Variants in DNAH3 observed in about 807,000 individuals in gnomAD.
The protein encoded by DNAH3 is dynein axonemal heavy chain 3, also known as axonemal beta dynein heavy chain 3.
Under a neutral mutation model 432.5 loss-of-function variants are expected in DNAH3, and 332 were observed. That is an observed-to-expected ratio of 0.77 (90% confidence interval 0.70 to 0.84). The LOEUF (loss-of-function observed/expected upper bound fraction) is 0.84. Ranked by LOEUF, DNAH3 falls within the 40% of genes least tolerant of loss-of-function variation. The pLI, the probability that DNAH3 is intolerant of heterozygous loss-of-function variation, is 0.00. For synonymous variants in DNAH3, 1,956 were observed against 1,900.2 expected (o/e 1.03, Z -0.76); for missense variants, 4,861 against 5,114.0 (o/e 0.95, Z 1.51).
chr16:21,036,900 G>T, intron 34 of DNAH3, 52 bp from the exon 35 acceptor site: 1 of 1,451,116 alleles, frequency 6.9e-7, no homozygotes, highest in South Asian at 1.2e-5. Flanking sequence ...TCAGATATAT[G>T]ACCTCAACAT....
At chr16:21,108,764 G>A (rs535857132) in intron 14 of DNAH3, among the ~76,000 whole-genome samples, 49 of 151,700 alleles carry the variant, frequency 3.2e-4, no homozygotes, top group Non-Finnish European at 6.0e-4. Context: ...AAGTGTCCGA[G>A]TAGTGTGAAG....
chr16:20,935,956 C>T (rs1180796557), intron 60 of DNAH3, among the ~76,000 whole-genome samples: 1 of 152,100 alleles, frequency 6.6e-6, no homozygotes, highest in Non-Finnish European at 1.5e-5. Flanking sequence ...AGCTGCCACT[C>T]ATCTCCAGCA....
intron 54 of DNAH3, among the ~76,000 whole-genome samples, chr16:20,956,035 C>A (rs1418522024): frequency 6.6e-6 from 1 of 152,036 alleles, no homozygotes; most frequent in African/African-American, 2.4e-5. Flanking sequence ...TCAAGTGATT[C>A]TCCTGCCTCA....
At chr16:21,020,367 TA>T (rs1366301910) in intron 40 of DNAH3, among the ~76,000 whole-genome samples, 1 of 81,534 alleles carries the variant, frequency 1.2e-5, no homozygotes, top group African/African-American at 5.5e-5. Flanking sequence ...TATATATATA[TA>T]AAATCACTAT....
At chr16:21,062,401 T>A (rs771317686) in intron 25 of DNAH3, 81 bp downstream of exon 25, 1 of 1,163,572 alleles carries the variant, frequency 8.6e-7, no homozygotes, top group Non-Finnish European at 1.3e-6. Context: ...AGTCTGGTGC[T>A]TAGTCCCAGT....
intron 57 of DNAH3, among the ~76,000 whole-genome samples, chr16:20,947,158 G>A (rs1027406973): frequency 6.6e-6 from 1 of 151,972 alleles, no homozygotes; most frequent in African/African-American, 2.4e-5. Flanking sequence ...CCTAGAGAGA[G>A]AGGGTGCTGC....
At chr16:21,067,207 C>G in intron 24 of DNAH3, 76 bp downstream of exon 24, 1 of 1,555,752 alleles carries the variant, frequency 6.4e-7, no homozygotes, top group Non-Finnish European at 8.8e-7. Context: ...GAAGCCAACT[C>G]TTGGCATGAA....
chr16:21,084,327 T>TTTAG (rs1344385224), intron 19 of DNAH3, among the ~76,000 whole-genome samples: 1 of 152,084 alleles, frequency 6.6e-6, no homozygotes, highest in Non-Finnish European at 1.5e-5. Context: ...TATTTATTTA[T>TTTAG]TTATTTATTT....
Position 21,069,525 on chromosome 16 carries a change from GC to G in DNAH3, c.3270del (p.Trp1090CysfsTer14). On this transcript the variant is annotated frameshift_variant, in exon 23 of 62. Coordinates refer to ENST00000261383, the Ensembl canonical transcript of DNAH3. LOFTEE classifies it high-confidence loss of function. ...GAACTGAAGATTGGTTCCAGGTACA[GC>G]CAGGTGGCTTGGCATTTCAACCAGG... is the stretch of plus-strand genomic sequence containing the variant. 6.2e-7 allele frequency: 1 copy of G among 1,613,842 alleles called. No homozygotes were observed. The highest frequency in any genetic ancestry group is 1.6e-4 in the Middle Eastern group (1 of 6,062).
At chr16:21,073,983 C>A (rs1481948175) in intron 21 of DNAH3, among the ~76,000 whole-genome samples, 1 of 152,196 alleles carries the variant, frequency 6.6e-6, no homozygotes, top group African/African-American at 2.4e-5. Context: ...CCCCAAAACA[C>A]AGTTTTCCCT....
At chr16:21,120,686 A>G in intron 11 of DNAH3, 1 of 1,409,900 alleles carries the variant, frequency 7.1e-7, no homozygotes, top group Non-Finnish European at 1.0e-6. Flanking sequence ...AACCTGGTAC[A>G]AACCATGTCT....
intron 33 of DNAH3, among the ~76,000 whole-genome samples, 190 bp downstream of exon 33, chr16:21,039,662 G>A (rs1316549702): frequency 1.3e-5 from 2 of 152,104 alleles, no homozygotes; most frequent in East Asian, 3.9e-4. Flanking sequence ...TGGGAATCTG[G>A]GCCATTTCCC....
exon 19 of DNAH3, chr16:21,087,020 C>G: frequency 6.2e-7 from 1 of 1,614,138 alleles, no homozygotes; most frequent in Non-Finnish European, 8.5e-7. Context: ...TATTCCCTAT[C>G]TCCTCCGCAA....
chr16:21,025,356 T>C (rs2088489813), intron 38 of DNAH3, among the ~76,000 whole-genome samples: 1 of 148,218 alleles, frequency 6.7e-6, no homozygotes, highest in Admixed American at 6.8e-5. Context: ...AATAATATAG[T>C]ATATAATAGC....
At chr16:21,073,662 C>T (rs1350915356) in intron 21 of DNAH3, among the ~76,000 whole-genome samples, 1 of 152,174 alleles carries the variant, frequency 6.6e-6, no homozygotes, top group Non-Finnish European at 1.5e-5. Flanking sequence ...TTTATCTTTC[C>T]CCTAAGACAG....
At chr16:21,143,240 T>C (rs533715620) in intron 3 of DNAH3, among the ~76,000 whole-genome samples, 24 of 152,262 alleles carry the variant, frequency 1.6e-4, no homozygotes, top group African/African-American at 5.3e-4. Context: ...CTTGTCAAAA[T>C]TAGTATGTTG....
intron 1 of DNAH3, among the ~76,000 whole-genome samples, chr16:21,146,417 A>C (rs2092784088): frequency 6.6e-6 from 1 of 152,122 alleles, no homozygotes; most frequent in Non-Finnish European, 1.5e-5. Context: ...TTAGCCAGGC[A>C]TGGTGGCGTG....
chr16:21,079,678 A>G (rs2091110736), intron 20 of DNAH3, among the ~76,000 whole-genome samples: 1 of 152,206 alleles, frequency 6.6e-6, no homozygotes, highest in South Asian at 2.1e-4. Flanking sequence ...GGGTTCAGGT[A>G]TATAAAATGC....
exon 58 of DNAH3, chr16:20,944,622 G>T: frequency 6.2e-7 from 1 of 1,614,108 alleles, no homozygotes; most frequent in Admixed American, 1.7e-5. Flanking sequence ...ACACTTCTGG[G>T]TGGGCTGTGA....
Sources: allele counts gnomAD v4.1 joint callset (sites outside exome capture counted in the v4.1 genomes callset), GRCh38; gene constraint gnomAD v4.1.1; transcripts MANE v1.5; gene names NCBI Gene and HGNC (gene_info 2026-07-23, HGNC 2026-07-21).